Variants in DGKG observed in about 807,000 individuals in gnomAD.
The protein encoded by DGKG is DAG kinase gamma.
DGKG carries 78 observed loss-of-function variants against 105.3 expected under a neutral mutation model. The observed-to-expected ratio is 0.74, with a 90% confidence interval of 0.62 to 0.89. The LOEUF (loss-of-function observed/expected upper bound fraction) is 0.89, where lower values mean the gene tolerates loss of function less well. Ranked by LOEUF, DGKG falls within the 40% of genes least tolerant of loss-of-function variation. The pLI is 0.00. For synonymous variants in DGKG, 346 were observed against 367.1 expected (o/e 0.94, Z 0.66); for missense variants, 958 against 1,020.1 (o/e 0.94, Z 0.83).
chr3:186,251,919 C>T lies in DGKG; in HGVS notation c.1601G>A (p.Gly534Asp). The T allele has an allele frequency of 6.4e-7, 1 of 1,572,618 alleles. No individual in the cohort carries two copies. Among genetic ancestry groups the T allele is most frequent in the Non-Finnish European group, 8.6e-7 (1 of 1,157,954 alleles). ...TTTTGTCAAGCTGCCCCCTTCATAACCTGTGGAGGACAGCACTGCATTTGC... is the reference window on the plus strand; with the variant it reads ...TTTTGTCAAGCTGCCCCCTTCATAATCTGTGGAGGACAGCACTGCATTTGC... The part of the protein sequence containing the change: ...DLARCLRWGG[G>D]YEGGSLTKIL... The change falls in exon 19 of 25, where the codon GGT becomes GAT. Residue 534 changes from glycine to aspartate, a missense_variant and splice_region_variant. Coordinates refer to ENST00000265022, the MANE Select transcript of DGKG (RefSeq NM_001346.3).
intron 7 of DGKG, among the ~76,000 whole-genome samples, chr3:186,283,327 A>G (rs1172655840): frequency 2.0e-5 from 3 of 151,922 alleles, no homozygotes; most frequent in African/African-American, 7.3e-5. Context: ...TCATCTGTTT[A>G]CTCATTCTGC....
intron 9 of DGKG, among the ~76,000 whole-genome samples, chr3:186,278,945 A>G (rs997042924): frequency 2.6e-5 from 4 of 152,186 alleles, no homozygotes; most frequent in African/African-American, 9.7e-5. Context: ...TACCTCATGC[A>G]TGGAAGTGAG....
At chr3:186,229,797 TA>T (rs1720053590) in intron 20 of DGKG, among the ~76,000 whole-genome samples, 3 of 152,202 alleles carry the variant, frequency 2.0e-5, no homozygotes, top group African/African-American at 7.2e-5. Flanking sequence ...GAAACATGCT[TA>T]GCATCACCCT....
chr3:186,350,793 C>T (rs372582515), intron 1 of DGKG, among the ~76,000 whole-genome samples: 2 of 152,180 alleles, frequency 1.3e-5, no homozygotes, highest in African/African-American at 4.8e-5. Context: ...AATAGCTATC[C>T]TAATGGGTAT....
At chr3:186,241,426 G>A (rs1264137286) in intron 20 of DGKG, among the ~76,000 whole-genome samples, 1 of 151,996 alleles carries the variant, frequency 6.6e-6, no homozygotes, top group African/African-American at 2.4e-5. Flanking sequence ...GATGGTGCAC[G>A]CCTGTAGTCC....
intron 22 of DGKG, among the ~76,000 whole-genome samples, chr3:186,183,127 C>T (rs1375019455): frequency 6.6e-6 from 1 of 152,190 alleles, no homozygotes; most frequent in African/African-American, 2.4e-5. Context: ...CTTCCTATTT[C>T]CTGAGTGCGT....
intron 10 of DGKG, among the ~76,000 whole-genome samples, chr3:186,274,258 G>C (rs1455197580): frequency 6.6e-6 from 1 of 152,196 alleles, no homozygotes; most frequent in Admixed American, 6.5e-5. Context: ...TGCAATCTCA[G>C]CTCACCGCAA....
Position 186,297,516 on chromosome 3 carries a change from C to T in DGKG, c.311-33G>A, listed in dbSNP as rs756879531. On this transcript the variant is annotated intron_variant, in intron 4 of 24. Coordinates refer to ENST00000265022, the MANE Select transcript of DGKG (RefSeq NM_001346.3). ...AAAAAAAGAAGATTTAAAGACCAAC[C>T]CAGGCCCTCTAGCTTCTTGGAAGGG... 32 of 1,488,122 alleles carry T rather than the reference C, an allele frequency of 2.2e-5. No homozygotes were observed. In the South Asian group the frequency reaches 3.4e-4, roughly 16 times the overall value. The allele number at this position is 1,488,122 out of a possible 1,614,324, so 92.2% of individuals were successfully genotyped here.
At chr3:186,265,657 CTTTT>C (rs68014632) in intron 13 of DGKG, among the ~76,000 whole-genome samples, 778 of 77,436 alleles carry the variant, frequency 0.01, 3 homozygotes, top group Middle Eastern at 0.026. Context: ...TTCTTCCTTT[CTTTT>C]TTTTTTTTTT....
chr3:186,280,011 C>T, intron 8 of DGKG, 38 bp from the exon 9 acceptor site: 1 of 1,611,556 alleles, frequency 6.2e-7, no homozygotes. Context: ...CCATTTTCAT[C>T]ATCGACATGT....
At chr3:186,332,923 C>A (rs1454467953) in intron 1 of DGKG, among the ~76,000 whole-genome samples, 1 of 152,042 alleles carries the variant, frequency 6.6e-6, no homozygotes, top group Non-Finnish European at 1.5e-5. Context: ...GAGATCTGAA[C>A]TAACACGTTC....
At chr3:186,259,224 C>A (rs543404123) in intron 16 of DGKG, among the ~76,000 whole-genome samples, 23 of 152,322 alleles carry the variant, frequency 1.5e-4, no homozygotes, top group Admixed American at 7.8e-4. Context: ...GGGAAGTAGC[C>A]ACCTGGCTCG....
rs1410337828 is a variant in DGKG at position 186,288,027 on chromosome 3, G to A, written c.544+683C>T. 2.0e-5 allele frequency among the ~76,000 whole-genome samples: 3 copies of A among 152,202 alleles called. No individual in the cohort carries two copies. The East Asian group carries it at 5.8e-4, about 29-fold the overall frequency. On this transcript the variant is annotated intron_variant, in intron 6 of 24. Transcript: ENST00000265022. ...CACAGAAGCCAGGGAAACCATCACT[G>A]GACTGAATCATCTACAAGACTGCAG...
At chr3:186,258,276 C>A (rs1289523069) in intron 16 of DGKG, among the ~76,000 whole-genome samples, 2 of 152,186 alleles carry the variant, frequency 1.3e-5, no homozygotes, top group South Asian at 4.1e-4. Context: ...TCACTCCTCT[C>A]GGGCTCTCCT....
At chr3:186,266,865 G>A (rs1372215586) in intron 13 of DGKG, among the ~76,000 whole-genome samples, 5 of 152,120 alleles carry the variant, frequency 3.3e-5, no homozygotes, top group African/African-American at 1.2e-4. Flanking sequence ...CCAAAGTGCC[G>A]GGATTACAGG....
chr3:186,188,447 T>C, intron 21 of DGKG, 68 bp from the exon 22 acceptor site: 2 of 1,468,572 alleles, frequency 1.4e-6, no homozygotes, highest in Non-Finnish European at 1.9e-6. Context: ...GTGCTCTGTG[T>C]GTGTGCGTGC....
Position 186,149,973 on chromosome 3 carries a change from G to A in DGKG, c.*117C>T. 2.8e-6 allele frequency: 4 copies of A among 1,453,460 alleles called. No individual in the cohort carries two copies. The South Asian group carries it at 4.4e-5, about 16-fold the overall frequency. The allele number at this position is 1,453,460 out of a possible 1,614,324, so 90.0% of individuals were successfully genotyped here. ...GGTGGCTTTGCTTCCACTGGTTAGAGAAGAGTGTGTATGTGTGTGTGTGTG... is the reference window on the plus strand; with the variant it reads ...GGTGGCTTTGCTTCCACTGGTTAGAAAAGAGTGTGTATGTGTGTGTGTGTG... On this transcript the variant is annotated 3_prime_UTR_variant, in exon 25 of 25. Coordinates refer to ENST00000265022, the MANE Select transcript of DGKG (RefSeq NM_001346.3).
At chr3:186,190,185 TTA>T (rs1717836999) in intron 21 of DGKG, among the ~76,000 whole-genome samples, 1 of 152,176 alleles carries the variant, frequency 6.6e-6, no homozygotes, top group Admixed American at 6.5e-5. Context: ...CCCAAGTTTT[TTA>T]TTTCTCCTCC....
intron 24 of DGKG, among the ~76,000 whole-genome samples, chr3:186,152,786 CCTGAGTAG>C (rs1250257749): frequency 6.6e-6 from 1 of 152,162 alleles, no homozygotes; most frequent in Non-Finnish European, 1.5e-5. Flanking sequence ...GCCTCAGCCT[CCTGAGTAG>C]CTGGGACTAC....
Sources: gnomAD v4.1 joint callset for allele counts (sites outside exome capture counted in the v4.1 genomes callset) on GRCh38, gnomAD v4.1.1 for gene constraint, MANE v1.5 for transcripts, NCBI Gene and HGNC (gene_info 2026-07-23, HGNC 2026-07-21) for gene names.